The following USP25 variants were observed in gnomAD, a reference collection of about 807,000 sequenced individuals.
USP25 encodes ubiquitin carboxyl-terminal hydrolase 25.
USP25 carries 85 observed loss-of-function variants against 158.5 expected under a neutral mutation model. That is an observed-to-expected ratio of 0.54 (90% CI 0.45 to 0.64). The LOEUF (loss-of-function observed/expected upper bound fraction) is 0.64. Ranked by LOEUF, USP25 falls within the 30% of genes least tolerant of loss-of-function variation. USP25 has a pLI of 0.00. For missense variants in USP25, 1,242 were observed against 1,327.3 expected (o/e 0.94, Z 1.00); for synonymous variants, 464 against 460.4 (o/e 1.01, Z -0.10).
intron 5 of USP25, among the ~76,000 whole-genome samples, chr21:15,799,267 A>G (rs894165913): frequency 2.0e-5 from 3 of 151,254 alleles, no homozygotes; most frequent in African/African-American, 4.8e-5. Context: ...CGACATTTCT[A>G]TTACATGTCT....
intron 23 of USP25, 61 bp downstream of exon 23, chr21:15,870,208 G>A: frequency 1.8e-6 from 2 of 1,135,612 alleles, no homozygotes; most frequent in Non-Finnish European, 2.6e-6. Flanking sequence ...CTATTCAGGT[G>A]TGACCTCATC....
intron 20 of USP25, among the ~76,000 whole-genome samples, chr21:15,859,990 TA>T (rs1384670059): frequency 0.013 from 1,715 of 135,018 alleles, 20 homozygotes; most frequent in Middle Eastern, 0.026. Flanking sequence ...TATATATCTA[TA>T]TTTTTTTTTT....
At chr21:15,743,216 C>T (rs1313718872) in intron 1 of USP25, among the ~76,000 whole-genome samples, 1 of 152,246 alleles carries the variant, frequency 6.6e-6, no homozygotes, top group African/African-American at 2.4e-5. Context: ...CGGCTCATCA[C>T]TCCCATATTC....
Position 15,755,152 on chromosome 21 carries a change from G to GT in USP25, c.46-7727dup, listed in dbSNP as rs879626976. ...AAGAATGTCTTTGGAGTTTCTATCA[G>GT]TTTTTTTTTTTTCCTCTGTTCTTAG... On this transcript the variant is annotated intron_variant, in intron 1 of 25. Transcript: ENST00000400183. Among the ~76,000 whole-genome samples the GT allele has an allele frequency of 6.1e-3, 898 of 146,042 alleles. 7 individuals carry two copies. The highest frequency in any genetic ancestry group is 0.016 in the African/African-American group (658 of 40,226).
intron 3 of USP25, among the ~76,000 whole-genome samples, chr21:15,771,904 T>C (rs2034379691): frequency 6.6e-6 from 1 of 152,034 alleles, no homozygotes; most frequent in Non-Finnish European, 1.5e-5. Context: ...CTTGGCTTAT[T>C]TTTTTTAAAA....
intron 12 of USP25, among the ~76,000 whole-genome samples, chr21:15,826,000 A>G (rs1407870274): frequency 2.6e-5 from 4 of 152,116 alleles, no homozygotes; most frequent in Non-Finnish European, 5.9e-5. Flanking sequence ...TTCAGTCCCA[A>G]TCGGCCTTGG....
chr21:15,778,179 A>G, intron 4 of USP25, 152 bp downstream of exon 4: 2 of 767,756 alleles, frequency 2.6e-6, no homozygotes, highest in East Asian at 6.4e-5. Flanking sequence ...TGTAACCAAA[A>G]TCTTCATATT....
At position 15,831,673 on chromosome 21, in the gene USP25, A is replaced by G. The variant is rs2037811466; in HGVS notation, c.1993+44A>G. The G allele has an allele frequency of 3.9e-6, 6 of 1,541,724 alleles. No homozygotes were observed. In the East Asian group the frequency reaches 1.4e-4, roughly 35 times the overall value. On this transcript the variant is annotated intron_variant, in intron 16 of 25. Coordinates refer to ENST00000400183, the MANE Select transcript of USP25 (RefSeq NM_001283041.3). ...GTGTGTATTTTTAAATAGTCATAAA[A>G]GTGGCTCTGGTATGTGGTGTGATTA... is the stretch of plus-strand genomic sequence containing the variant.
chr21:15,849,150 CCTCT>C (rs896711499), intron 19 of USP25, among the ~76,000 whole-genome samples: 3 of 151,972 alleles, frequency 2.0e-5, no homozygotes, highest in African/African-American at 4.8e-5. Flanking sequence ...TAGGATGTGC[CCTCT>C]CTCATTTAAA....
intron 9 of USP25, among the ~76,000 whole-genome samples, chr21:15,812,983 T>C (rs2036747650): frequency 6.6e-6 from 1 of 152,038 alleles, no homozygotes; most frequent in Non-Finnish European, 1.5e-5. Flanking sequence ...CTTCACTCCT[T>C]CCTTTTTCAT....
intron 24 of USP25, 25 bp downstream of exon 24, chr21:15,874,551 T>A (rs1368545819): frequency 6.4e-7 from 1 of 1,560,864 alleles, no homozygotes; most frequent in African/African-American, 1.4e-5. Flanking sequence ...TATAGTATGA[T>A]CTTATCATTT....
chr21:15,760,188 A>C (rs1472150273), intron 1 of USP25, among the ~76,000 whole-genome samples: 1 of 152,216 alleles, frequency 6.6e-6, no homozygotes, highest in Non-Finnish European at 1.5e-5. Context: ...GTGGCCATGC[A>C]ACTGTGTTGT....
chr21:15,764,282 C>T (rs1022912661), intron 2 of USP25, among the ~76,000 whole-genome samples: 1 of 149,798 alleles, frequency 6.7e-6, no homozygotes, highest in Non-Finnish European at 1.5e-5. Context: ...AGACCATAGC[C>T]TATCACCTTG....
At chr21:15,732,615 C>T (rs1381964914) in intron 1 of USP25, among the ~76,000 whole-genome samples, 1 of 152,112 alleles carries the variant, frequency 6.6e-6, no homozygotes, top group Admixed American at 6.5e-5. Context: ...CAGTTTTCTT[C>T]TCACCTTAAA....
intron 9 of USP25, among the ~76,000 whole-genome samples, chr21:15,817,688 G>C (rs2146323196): frequency 6.6e-6 from 1 of 152,264 alleles, no homozygotes; most frequent in East Asian, 1.9e-4. Context: ...GACAAGAGAA[G>C]AGAACAAGAG....
chr21:15,838,083 C>T (rs1472515660), intron 17 of USP25, among the ~76,000 whole-genome samples: 1 of 151,882 alleles, frequency 6.6e-6, no homozygotes, highest in Non-Finnish European at 1.5e-5. Flanking sequence ...TATACCACCA[C>T]ACTGGGCTGA....
At chr21:15,838,975 T>G (rs564042561) in intron 17 of USP25, among the ~76,000 whole-genome samples, 60 of 152,256 alleles carry the variant, frequency 3.9e-4, no homozygotes, top group African/African-American at 1.4e-3. Flanking sequence ...AGTTGTCTTC[T>G]ATAACAGCTA....
intron 1 of USP25, among the ~76,000 whole-genome samples, chr21:15,731,774 C>T (rs1364357813): frequency 6.6e-6 from 1 of 152,148 alleles, no homozygotes; most frequent in East Asian, 1.9e-4. Context: ...AAAAGAGTTT[C>T]CTTCCTAATC....
chr21:15,756,625 A>G (rs901941302), intron 1 of USP25, among the ~76,000 whole-genome samples: 1 of 152,172 alleles, frequency 6.6e-6, no homozygotes, highest in Non-Finnish European at 1.5e-5. Context: ...TTTTTAATTT[A>G]TATTGAAATT....
Sources: gnomAD v4.1 joint callset for allele counts (sites outside exome capture counted in the v4.1 genomes callset) on GRCh38, gnomAD v4.1.1 for gene constraint, MANE v1.5 for transcripts, NCBI Gene and HGNC (gene_info 2026-07-23, HGNC 2026-07-21) for gene names.